The following AGBL1 variants were observed in gnomAD, a reference collection of about 807,000 sequenced individuals.
The protein encoded by AGBL1 is AGBL carboxypeptidase 1.
In AGBL1, 130 loss-of-function variants were observed where a neutral mutation model predicts 118.9. The observed-to-expected ratio is 1.09, with a 90% confidence interval of 0.95 to 1.26. The LOEUF (loss-of-function observed/expected upper bound fraction) is 1.26. Among genes scored for constraint, AGBL1 ranks in the 50% most tolerant of loss-of-function variants. AGBL1 has a pLI of 0.00. For synonymous variants in AGBL1, 555 were observed against 478.9 expected (o/e 1.16, Z -2.08); for missense variants, 1,584 against 1,298.1 (o/e 1.22, Z -3.38).
At chr15:86,138,623 G>T (rs981705846) in intron 1 of AGBL1, among the ~76,000 whole-genome samples, 4 of 152,112 alleles carry the variant, frequency 2.6e-5, no homozygotes, top group Non-Finnish European at 5.9e-5. Context: ...ATTATATCTG[G>T]ACCTTTTATT....
chr15:86,987,963 C>T, intron 23 of AGBL1: 1 of 1,607,346 alleles, frequency 6.2e-7, no homozygotes, highest in Non-Finnish European at 8.5e-7. Flanking sequence ...CAATCTGTAC[C>T]ACTCATTTAT....
At chr15:86,718,605 A>T (rs1454583710) in intron 22 of AGBL1, among the ~76,000 whole-genome samples, 1 of 152,160 alleles carries the variant, frequency 6.6e-6, no homozygotes, top group African/African-American at 2.4e-5. Context: ...CGGCAGTCAG[A>T]AGGACAAATC....
intron 22 of AGBL1, among the ~76,000 whole-genome samples, chr15:86,749,187 G>A (rs1387860165): frequency 2.0e-5 from 3 of 152,004 alleles, no homozygotes; most frequent in Non-Finnish European, 4.4e-5. Context: ...TTATTTCGTT[G>A]AGCAGTGATT....
At chr15:86,564,719 A>C (rs953704272) in intron 21 of AGBL1, among the ~76,000 whole-genome samples, 4 of 152,236 alleles carry the variant, frequency 2.6e-5, no homozygotes, top group Admixed American at 2.0e-4. Context: ...AATATCTTGC[A>C]GAGTGTTTTC....
chr15:86,995,355 C>A (rs2081370462), intron 24 of AGBL1, among the ~76,000 whole-genome samples: 1 of 152,098 alleles, frequency 6.6e-6, no homozygotes, highest in Non-Finnish European at 1.5e-5. Context: ...CACTGTACTC[C>A]AGGGTGAGTG....
chr15:87,002,710 A>G (rs1275368750), intron 24 of AGBL1, among the ~76,000 whole-genome samples: 1 of 152,058 alleles, frequency 6.6e-6, no homozygotes, highest in Admixed American at 6.6e-5. Context: ...TGGAAGTTGG[A>G]TTCCTAGGTA....
At chr15:86,327,798 C>G (rs2080206180) in intron 17 of AGBL1, among the ~76,000 whole-genome samples, 1 of 152,236 alleles carries the variant, frequency 6.6e-6, no homozygotes, top group Non-Finnish European at 1.5e-5. Flanking sequence ...TAATTACTTG[C>G]TGATGGAAAA....
intron 19 of AGBL1, among the ~76,000 whole-genome samples, chr15:86,536,631 G>C (rs2083430206): frequency 1.3e-5 from 2 of 152,176 alleles, no homozygotes; most frequent in African/African-American, 4.8e-5. Context: ...TGTTCTTAGA[G>C]GGAGGGCAAG....
intron 18 of AGBL1, among the ~76,000 whole-genome samples, chr15:86,467,654 G>T (rs1341776928): frequency 2.0e-5 from 3 of 152,228 alleles, no homozygotes; most frequent in Admixed American, 2.0e-4. Context: ...CCATGGGAAA[G>T]GTATAGTGTC....
At chr15:86,339,224 G>GT (rs748049666) in intron 17 of AGBL1, among the ~76,000 whole-genome samples, 30 of 152,082 alleles carry the variant, frequency 2.0e-4, no homozygotes, top group Non-Finnish European at 3.7e-4. Context: ...CTACCATTCA[G>GT]TTTTTTCCCC....
intron 23 of AGBL1, among the ~76,000 whole-genome samples, chr15:86,944,952 A>G (rs1309617196): frequency 6.6e-6 from 1 of 152,196 alleles, no homozygotes; most frequent in East Asian, 1.9e-4. Flanking sequence ...AGCAAATCAG[A>G]ATGTATGGTC....
intron 21 of AGBL1, among the ~76,000 whole-genome samples, chr15:86,629,240 G>A (rs2084931035): frequency 6.6e-6 from 1 of 152,074 alleles, no homozygotes; most frequent in African/African-American, 2.4e-5. Flanking sequence ...AAGATTGGTT[G>A]GAGCTTGAGA....
At chr15:86,530,615 G>C (rs1003561780) in intron 19 of AGBL1, among the ~76,000 whole-genome samples, 1 of 151,238 alleles carries the variant, frequency 6.6e-6, no homozygotes, top group Non-Finnish European at 1.5e-5. Flanking sequence ...GGACTTAATA[G>C]ACATCTACAG....
chr15:87,003,407 A>C (rs1196219138), intron 24 of AGBL1, among the ~76,000 whole-genome samples: 5 of 104,292 alleles, frequency 4.8e-5, no homozygotes, highest in Admixed American at 2.8e-4. Flanking sequence ...TTTTTGCATC[A>C]ATGTTCATCG....
chr15:86,384,467 G>T (rs145722823), intron 17 of AGBL1, among the ~76,000 whole-genome samples: 3 of 152,124 alleles, frequency 2.0e-5, no homozygotes, highest in African/African-American at 4.8e-5. Flanking sequence ...TGCCGTTTCT[G>T]TGTGTAGTAA....
intron 19 of AGBL1, among the ~76,000 whole-genome samples, chr15:86,525,547 T>C (rs1000858186): frequency 7.2e-5 from 11 of 152,092 alleles, no homozygotes; most frequent in Non-Finnish European, 1.3e-4. Flanking sequence ...CATAGACCAA[T>C]GGAACAGAAT....
chr15:86,858,567 G>A (rs1032999882), intron 22 of AGBL1, among the ~76,000 whole-genome samples: 14 of 150,964 alleles, frequency 9.3e-5, no homozygotes, highest in Admixed American at 7.3e-4. Context: ...AAACATTCAC[G>A]GACAACCTAT....
chr15:86,549,219 AC>A (rs1378071080), intron 20 of AGBL1, among the ~76,000 whole-genome samples: 4 of 152,034 alleles, frequency 2.6e-5, no homozygotes, highest in Non-Finnish European at 5.9e-5. Flanking sequence ...TCTAGAGGAG[AC>A]CCAAGAGGGC....
chr15:86,786,129 A>G (rs1454023173), intron 22 of AGBL1, among the ~76,000 whole-genome samples: 6 of 152,042 alleles, frequency 3.9e-5, no homozygotes, highest in Admixed American at 6.6e-5. Flanking sequence ...ATTATACTTT[A>G]AGTTTTAGGG....
Sources: allele counts gnomAD v4.1 joint callset (sites outside exome capture counted in the v4.1 genomes callset), GRCh38; gene constraint gnomAD v4.1.1; transcripts MANE v1.5; gene names NCBI Gene and HGNC (gene_info 2026-07-23, HGNC 2026-07-21).